TENM4: variants seen among roughly 807,000 people sequenced by gnomAD.
The protein encoded by TENM4 is teneurin transmembrane protein 4, also known as teneurin-4.
In TENM4, 82 loss-of-function variants were observed where a neutral mutation model predicts 243.3. That is an observed-to-expected ratio of 0.34 (90% confidence interval 0.28 to 0.40). The LOEUF (loss-of-function observed/expected upper bound fraction) is 0.40, where lower values mean the gene tolerates loss of function less well. Ranked by LOEUF, TENM4 falls within the 10% of genes least tolerant of loss-of-function variation. The pLI, the probability that TENM4 is intolerant of heterozygous loss-of-function variation, is 1.00. For synonymous variants in TENM4, 1,412 were observed against 1,456.3 expected, an observed-to-expected ratio of 0.97 and a Z score of 0.69; for missense variants, 3,138 against 3,673.3, an observed-to-expected ratio of 0.85 and a Z score of 3.77.
intron 6 of TENM4, among the ~76,000 whole-genome samples, chr11:78,946,054 T>C (rs1186545942): frequency 6.6e-6 from 1 of 152,206 alleles, no homozygotes; most frequent in Admixed American, 6.5e-5. Context: ...AGATTGTTGA[T>C]GAAGGTGGCT....
chr11:79,288,203 A>G (rs1047860269), intron 2 of TENM4, among the ~76,000 whole-genome samples: 1 of 152,250 alleles, frequency 6.6e-6, no homozygotes, highest in Admixed American at 6.5e-5. Context: ...CAAAAGCCAT[A>G]ACCAGCCCTT....
intron 2 of TENM4, among the ~76,000 whole-genome samples, chr11:79,283,201 C>T (rs1565282301): frequency 8.2e-6 from 1 of 122,306 alleles, no homozygotes; most frequent in Admixed American, 7.9e-5. Context: ...ACAAAGACAT[C>T]ACACACACAC....
Position 78,903,315 on chromosome 11 carries a change from G to T in TENM4, c.702C>A (p.His234Gln). 1 of 1,483,910 alleles carries T rather than the reference G, an allele frequency of 6.7e-7. No individual in the cohort carries two copies. The highest frequency in any genetic ancestry group is 8.9e-7 in the Non-Finnish European group (1 of 1,119,316). The allele number at this position is 1,483,910 out of a possible 1,614,324, so 91.9% of individuals were successfully genotyped here. ...PPAGGAQEPA[H>Q]AQENWLLNSN... ...TGTTGAGCAGCCAGTTCTCCTGGGC[G>T]TGGGCAGGCTCCTGGGCGCCGCCGG... Residue 234 changes from histidine (H) to glutamine (Q), a missense_variant, in exon 7 of 34, where the codon CAC becomes CAA. Physicochemically the swap from His to Gln is conservative, Grantham distance 24. This residue lies in a region of TENM4 where 671 missense variants were observed against 614.1 expected (regional missense o/e 1.09). Coordinates refer to ENST00000278550, the MANE Select transcript of TENM4 (RefSeq NM_001098816.3).
At chr11:78,886,850 T>C (rs1166897088) in intron 9 of TENM4, among the ~76,000 whole-genome samples, 1 of 152,252 alleles carries the variant, frequency 6.6e-6, no homozygotes, top group African/African-American at 2.4e-5. Flanking sequence ...GGACACACTA[T>C]CAGTGAACTG....
intron 2 of TENM4, among the ~76,000 whole-genome samples, chr11:79,243,660 G>C (rs1855463630): frequency 6.6e-6 from 1 of 152,226 alleles, no homozygotes; most frequent in Admixed American, 6.5e-5. Context: ...GCTCACCAGG[G>C]ACAGGCAGGA....
At chr11:78,892,901 G>A (rs992682691) in intron 7 of TENM4, among the ~76,000 whole-genome samples, 1 of 152,160 alleles carries the variant, frequency 6.6e-6, no homozygotes, top group African/African-American at 2.4e-5. Context: ...TTATAACCCT[G>A]TCTCTCTCTG....
intron 4 of TENM4, among the ~76,000 whole-genome samples, chr11:79,140,762 A>T (rs1862271562): frequency 1.3e-5 from 2 of 152,096 alleles, no homozygotes; most frequent in South Asian, 4.1e-4. Context: ...CAGTTTTCTA[A>T]CTTCTAAAAC....
chr11:79,399,791 T>C (rs1858418620), intron 1 of TENM4, among the ~76,000 whole-genome samples: 1 of 152,194 alleles, frequency 6.6e-6, no homozygotes, highest in Non-Finnish European at 1.5e-5. Flanking sequence ...TTAGGCAAGA[T>C]ATTCAAACCC....
intron 3 of TENM4, among the ~76,000 whole-genome samples, chr11:79,164,354 C>CTAGTATATATAG (rs1862854385): frequency 3.1e-5 from 2 of 65,514 alleles, no homozygotes; most frequent in Non-Finnish European, 7.2e-5. Context: ...TATATAGATA[C>CTAGTATATATAG]TATATATACT....
chr11:78,892,770 T>C (rs1855698738), intron 7 of TENM4, among the ~76,000 whole-genome samples: 1 of 152,366 alleles, frequency 6.6e-6, no homozygotes. Flanking sequence ...GTCATCTCTA[T>C]TTTGTAGATT....
intron 9 of TENM4, among the ~76,000 whole-genome samples, chr11:78,866,932 A>G (rs1200633916): frequency 1.3e-5 from 2 of 152,218 alleles, no homozygotes; most frequent in Non-Finnish European, 2.9e-5. Flanking sequence ...AAGTTCAACC[A>G]GTAATGTCAT....
At chr11:78,813,916 C>T (rs1221136159) in intron 13 of TENM4, among the ~76,000 whole-genome samples, 1 of 152,208 alleles carries the variant, frequency 6.6e-6, no homozygotes, top group African/African-American at 2.4e-5. Context: ...AGACATCACA[C>T]TAGCATGAAG....
At chr11:78,768,354 C>T (rs1565371007) in intron 18 of TENM4, among the ~76,000 whole-genome samples, 2 of 152,262 alleles carry the variant, frequency 1.3e-5, no homozygotes, top group South Asian at 4.1e-4. Context: ...GGGATGTCTT[C>T]CCGGCTGTTC....
In TENM4 at chr11:79,160,888, G is replaced by T. The variant is rs1862731160; in HGVS notation, c.-162-12082C>A. 2.6e-5 allele frequency among the ~76,000 whole-genome samples: 4 copies of T among 152,172 alleles called. No individual in the cohort carries two copies. The South Asian group carries it at 8.3e-4, about 32-fold the overall frequency. ...GATTTCCCGGATTCCCTTGCAGTGA[G>T]GCATGACTGTCTAAGTTTGGGCCAA... On this transcript the variant is annotated intron_variant, in intron 3 of 33. Coordinates refer to ENST00000278550, the MANE Select transcript of TENM4 (RefSeq NM_001098816.3).
At chr11:78,731,969 G>A (rs1855677389) in intron 21 of TENM4, among the ~76,000 whole-genome samples, 1 of 152,180 alleles carries the variant, frequency 6.6e-6, no homozygotes, top group Non-Finnish European at 1.5e-5. Context: ...ATTTTAAGTA[G>A]TTTTAACAGA....
At chr11:79,215,704 C>T (rs1864039414) in intron 3 of TENM4, 104 bp downstream of exon 3, 1 of 964,108 alleles carries the variant, frequency 1.0e-6, no homozygotes, top group East Asian at 1.1e-4. Context: ...TAAAAGCCTC[C>T]AACCAAAAAA....
intron 28 of TENM4, among the ~76,000 whole-genome samples, chr11:78,689,358 A>G (rs1858762353): frequency 6.6e-6 from 1 of 152,156 alleles, no homozygotes; most frequent in African/African-American, 2.4e-5. Flanking sequence ...GGCAGGCTTA[A>G]ATAGCCTTTT....
chr11:79,227,302 T>C (rs1320079597), intron 2 of TENM4, among the ~76,000 whole-genome samples: 1 of 152,218 alleles, frequency 6.6e-6, no homozygotes, highest in Non-Finnish European at 1.5e-5. Context: ...TCATTGGTGA[T>C]TTCTGGGCTG....
At chr11:78,940,966 T>A (rs1856880385) in intron 6 of TENM4, among the ~76,000 whole-genome samples, 1 of 152,226 alleles carries the variant, frequency 6.6e-6, no homozygotes, top group Admixed American at 6.5e-5. Context: ...CCTTTTTGCC[T>A]GAAAAGTTAC....
Sources: gnomAD v4.1 joint callset for allele counts (sites outside exome capture counted in the v4.1 genomes callset) on GRCh38, gnomAD v4.1.1 for gene constraint, gnomAD v4.1.1 regional missense constraint, MANE v1.5 for transcripts, NCBI Gene and HGNC (gene_info 2026-07-23, HGNC 2026-07-21) for gene names.